CSMD1: variants seen among roughly 807,000 people sequenced by gnomAD.
The protein encoded by CSMD1 is CUB and Sushi multiple domains 1.
Under a neutral mutation model 417.5 loss-of-function variants are expected in CSMD1, and 213 were observed. That is an observed-to-expected ratio of 0.51 (90% CI 0.46 to 0.57). CSMD1 has a LOEUF of 0.57. CSMD1 is among the 20% of genes least tolerant of loss of function. The probability of loss-of-function intolerance (pLI) is 0.00; values close to 1 mark genes in which losing one functional copy is unlikely to be tolerated. For missense variants in CSMD1, 6,923 were observed against 4,529.7 expected (o/e 1.53, Z -15.17); for synonymous variants, 2,862 against 1,736.8 (o/e 1.65, Z -16.11).
intron 7 of CSMD1, among the ~76,000 whole-genome samples, chr8:3,695,453 T>C (rs1459072158): frequency 6.6e-6 from 1 of 152,130 alleles, no homozygotes; most frequent in Admixed American, 6.6e-5. Flanking sequence ...AATATTAATA[T>C]AAAATCATGA....
chr8:4,570,586 C>A (rs556887935), intron 2 of CSMD1, among the ~76,000 whole-genome samples: 1 of 151,934 alleles, frequency 6.6e-6, no homozygotes, highest in Admixed American at 6.6e-5. Flanking sequence ...CATATTAGGC[C>A]TATAGGCCTG....
intron 47 of CSMD1, among the ~76,000 whole-genome samples, chr8:3,094,800 C>CAAAA (rs33991879): frequency 9.1e-4 from 96 of 105,196 alleles, no homozygotes; most frequent in East Asian, 1.1e-3. Context: ...GCCCGTCTTA[C>CAAAA]AAAAAAAAAA....
rs570878315 is a variant in CSMD1 at position 3,098,344 on chromosome 8, TATG to T, written c.6950-1310_6950-1308del. 3.0e-4 allele frequency among the ~76,000 whole-genome samples: 45 copies of T among 152,348 alleles called. No individual in the cohort carries two copies. The Middle Eastern group carries it at 0.01, about 35-fold the overall frequency. ...GCTTTTCAAACAGATGAGCGAAGCT[TATG>T]ATATGTGTTTTTATTCAAGTAACTG... On this transcript the variant is annotated intron_variant, in intron 46 of 69. Transcript: ENST00000635120.
At chr8:3,897,017 C>G (rs1014772013) in intron 5 of CSMD1, among the ~76,000 whole-genome samples, 3 of 151,914 alleles carry the variant, frequency 2.0e-5, no homozygotes, top group African/African-American at 7.3e-5. Flanking sequence ...GAGCAACTTA[C>G]TTGCTCCCTG....
intron 7 of CSMD1, chr8:3,704,684 T>G (rs1244089062): frequency 6.6e-6 from 1 of 152,228 alleles, no homozygotes; most frequent in Non-Finnish European, 1.5e-5. Context: ...GCCCCTTAAT[T>G]TTCTTGGTCA....
At chr8:4,680,982 G>GAA (rs1484040772) in intron 1 of CSMD1, among the ~76,000 whole-genome samples, 1 of 150,352 alleles carries the variant, frequency 6.7e-6, no homozygotes, top group African/African-American at 2.5e-5. Context: ...GTGTGAGAGA[G>GAA]AGAGAGAGAG....
intron 27 of CSMD1, among the ~76,000 whole-genome samples, chr8:3,226,304 C>T (rs1170532073): frequency 2.6e-5 from 4 of 152,034 alleles, no homozygotes; most frequent in African/African-American, 4.8e-5. Context: ...AAGTTGAAGC[C>T]GAACGTGGTG....
chr8:4,510,138 C>G (rs969134160), intron 2 of CSMD1, among the ~76,000 whole-genome samples: 1 of 151,922 alleles, frequency 6.6e-6, no homozygotes. Context: ...CTCCTTCACA[C>G]GCTCCCTTTG....
At chr8:4,166,814 T>C (rs1480004942) in intron 3 of CSMD1, among the ~76,000 whole-genome samples, 1 of 152,192 alleles carries the variant, frequency 6.6e-6, no homozygotes, top group Non-Finnish European at 1.5e-5. Flanking sequence ...AATGAGACAA[T>C]ATTTTACACT....
chr8:4,738,109 C>T (rs182468489), intron 1 of CSMD1, among the ~76,000 whole-genome samples: 353 of 152,272 alleles, frequency 2.3e-3, no homozygotes, highest in Middle Eastern at 0.02. Context: ...ACAGTAAAGA[C>T]ACACACAGTT....
Position 2,955,325 on chromosome 8 carries a change from T to C in CSMD1, c.9994+264A>G, listed in dbSNP as rs1203716483. ...AACCAAATAGCTTTTCTCTTTTGGC[T>C]TGAAATAATGCAATCATTTTATTAT... On this transcript the variant is annotated intron_variant, in intron 64 of 69. Transcript: ENST00000635120. Among the ~76,000 whole-genome samples, 5 of 152,248 alleles carry C rather than the reference T, an allele frequency of 3.3e-5. 1 individual carries two copies. Among genetic ancestry groups the C allele is most frequent in the African/African-American group, 1.2e-4 (5 of 41,466 alleles).
chr8:4,711,167 A>G (rs1469152358), intron 1 of CSMD1, among the ~76,000 whole-genome samples: 1 of 152,072 alleles, frequency 6.6e-6, no homozygotes, highest in African/African-American at 2.4e-5. Context: ...ACAAAAAAAA[A>G]AAACCATGAT....
chr8:2,968,273 G>A (rs971727385), intron 57 of CSMD1, among the ~76,000 whole-genome samples: 1 of 152,228 alleles, frequency 6.6e-6, no homozygotes, highest in Non-Finnish European at 1.5e-5. Flanking sequence ...GCCTGTCACA[G>A]AAAGGGAGTG....
chr8:3,854,159 TA>T (rs10712212), intron 5 of CSMD1, among the ~76,000 whole-genome samples: 27,387 of 139,434 alleles, frequency 0.2, 3,199 homozygotes, highest in African/African-American at 0.33. Flanking sequence ...ATAATAATAA[TA>T]AAAAAAAAAA....
At chr8:4,825,156 G>C (rs924204144) in intron 1 of CSMD1, among the ~76,000 whole-genome samples, 1 of 152,084 alleles carries the variant, frequency 6.6e-6, no homozygotes, top group Non-Finnish European at 1.5e-5. Flanking sequence ...ACCTGAAGAA[G>C]TGGGATAAAT....
At chr8:4,906,486 A>T (rs1417205500) in intron 1 of CSMD1, among the ~76,000 whole-genome samples, 1 of 133,448 alleles carries the variant, frequency 7.5e-6, no homozygotes, top group Admixed American at 8.1e-5. Context: ...ACATCCTCTT[A>T]CATGATTTCA....
At chr8:3,713,042 C>T (rs1010506798) in intron 6 of CSMD1, among the ~76,000 whole-genome samples, 2 of 152,004 alleles carry the variant, frequency 1.3e-5, no homozygotes, top group African/African-American at 4.8e-5. Context: ...AAAAAAAATT[C>T]CCCAAAAGCA....
intron 3 of CSMD1, among the ~76,000 whole-genome samples, chr8:4,121,540 T>C (rs969361299): frequency 1.3e-5 from 2 of 151,914 alleles, no homozygotes; most frequent in African/African-American, 4.8e-5. Flanking sequence ...TTAATAGAAG[T>C]GAAGCAATTG....
rs1222028110 is a variant in CSMD1 at position 3,425,755 on chromosome 8, C to G, written c.1562-16150G>C. Reference sequence around the variant, plus strand: ...GGCTAGGTTCGGATACCCTTTTTCTCTCTTTTTATTCAATAGACAGCAAAT... The same window carrying G: ...GGCTAGGTTCGGATACCCTTTTTCTGTCTTTTTATTCAATAGACAGCAAAT... On this transcript the variant is annotated intron_variant, in intron 12 of 69. Coordinates refer to ENST00000635120, the MANE Select transcript of CSMD1 (RefSeq NM_033225.6). 3.3e-5 allele frequency among the ~76,000 whole-genome samples: 5 copies of G among 152,040 alleles called. No individual in the cohort carries two copies. In the East Asian group the frequency reaches 7.7e-4, roughly 23 times the overall value.
Sources: gnomAD v4.1 joint callset for allele counts (sites outside exome capture counted in the v4.1 genomes callset) on GRCh38, gnomAD v4.1.1 for gene constraint, MANE v1.5 for transcripts, NCBI Gene and HGNC (gene_info 2026-07-23, HGNC 2026-07-21) for gene names.